Variants in RPS6KC1 observed in about 807,000 individuals in gnomAD.
RPS6KC1 encodes the protein inactive ribosomal protein S6 kinase delta-1.
RPS6KC1 carries 54 observed loss-of-function variants against 103.8 expected under a neutral mutation model. The ratio of observed to expected loss-of-function variants is 0.52; its 90% CI spans 0.42 to 0.65. The LOEUF is 0.65. Among genes scored for constraint, RPS6KC1 ranks in the 30% least tolerant of loss-of-function variants. The probability of loss-of-function intolerance (pLI) is 0.00; values close to 1 mark genes in which losing one functional copy is unlikely to be tolerated. For missense variants in RPS6KC1, 1,151 were observed against 1,253.8 expected (o/e 0.92, Z 1.24); for synonymous variants, 439 against 438.7 (o/e 1.00, Z -0.01).
chr1:213,770,878 A>T, the RPS6KC1 span, among the ~76,000 whole-genome samples: 7 of 152,240 alleles, frequency 4.6e-5, no homozygotes, highest in Non-Finnish European at 1.0e-4. Context: ...TCAACCAAGC[A>T]TATCTACTTT....
At chr1:213,108,594 C>G (rs561555194) in intron 4 of RPS6KC1, among the ~76,000 whole-genome samples, 1 of 150,386 alleles carries the variant, frequency 6.6e-6, no homozygotes, top group East Asian at 1.9e-4. Context: ...TTAGTGGCAG[C>G]TTATCCATGT....
the RPS6KC1 span, among the ~76,000 whole-genome samples, chr1:213,510,200 C>T: frequency 6.6e-6 from 1 of 152,154 alleles, no homozygotes; most frequent in Admixed American, 6.5e-5. Context: ...GTCTCCTAAG[C>T]CCCAGGCATT....
chr1:213,629,002 A>G, the RPS6KC1 span, among the ~76,000 whole-genome samples: 2 of 152,164 alleles, frequency 1.3e-5, no homozygotes, highest in Non-Finnish European at 2.9e-5. Context: ...TTTACTTCCA[A>G]CTGTGTGGTC....
At chr1:213,161,289 A>G (rs781197477) in intron 6 of RPS6KC1, among the ~76,000 whole-genome samples, 8 of 152,132 alleles carry the variant, frequency 5.3e-5, no homozygotes, top group Non-Finnish European at 1.0e-4. Flanking sequence ...ATTGTTTTCA[A>G]ATGTGATATA....
the RPS6KC1 span, among the ~76,000 whole-genome samples, chr1:213,853,421 A>T: frequency 2.4e-3 from 359 of 152,360 alleles, 1 homozygote; most frequent in African/African-American, 7.7e-3. Context: ...AATGAGGATA[A>T]TAACCTTCTC....
the RPS6KC1 span, among the ~76,000 whole-genome samples, chr1:213,535,808 C>A: frequency 1.3e-5 from 2 of 152,060 alleles, no homozygotes; most frequent in African/African-American, 4.8e-5. Flanking sequence ...CTTTTAGGCG[C>A]GAGGAGTCCC....
the RPS6KC1 span, among the ~76,000 whole-genome samples, chr1:213,285,406 C>T: frequency 4.6e-5 from 7 of 152,088 alleles, no homozygotes; most frequent in Admixed American, 3.9e-4. Context: ...ATTGCAGTTC[C>T]CACGAGTTCT....
chr1:213,686,614 T>A, the RPS6KC1 span, among the ~76,000 whole-genome samples: 3 of 152,212 alleles, frequency 2.0e-5, no homozygotes, highest in Admixed American at 2.0e-4. Flanking sequence ...CATGTTTTTA[T>A]CTGTTTAATT....
chr1:213,613,392 G>C, the RPS6KC1 span, among the ~76,000 whole-genome samples: 1 of 152,220 alleles, frequency 6.6e-6, no homozygotes. Context: ...TTGGACTAGA[G>C]TCATGTTTCC....
the RPS6KC1 span, among the ~76,000 whole-genome samples, chr1:213,346,067 T>A: frequency 1.3e-5 from 2 of 152,226 alleles, no homozygotes; most frequent in African/African-American, 4.8e-5. Flanking sequence ...GACACATTTG[T>A]CAAAACTAAG....
intron 8 of RPS6KC1, among the ~76,000 whole-genome samples, chr1:213,181,599 A>T (rs2092272261): frequency 6.6e-6 from 1 of 152,244 alleles, no homozygotes; most frequent in Admixed American, 6.5e-5. Context: ...ATGTATTTGG[A>T]ACACAGAAGC....
chr1:213,202,458 C>T (rs1039070020), intron 8 of RPS6KC1, among the ~76,000 whole-genome samples: 2 of 151,824 alleles, frequency 1.3e-5, no homozygotes, highest in South Asian at 2.1e-4. Context: ...ACTAAATATC[C>T]AGAAATTAGC....
At chr1:213,333,416 A>T in the RPS6KC1 span, among the ~76,000 whole-genome samples, 5 of 152,312 alleles carry the variant, frequency 3.3e-5, no homozygotes, top group Admixed American at 6.5e-5. Context: ...TGATTGTTTC[A>T]TGTTTAGTGG....
chr1:213,297,731 C>T, the RPS6KC1 span, among the ~76,000 whole-genome samples: 1 of 152,102 alleles, frequency 6.6e-6, no homozygotes. Context: ...CCTCCTGGGC[C>T]TCCCAAGTAG....
chr1:213,354,568 A>G, the RPS6KC1 span, among the ~76,000 whole-genome samples: 8 of 152,228 alleles, frequency 5.3e-5, no homozygotes, highest in Admixed American at 2.0e-4. Context: ...TTTATTTCTT[A>G]TAAAGGTTGA....
At chr1:213,205,549 T>G (rs1017103917) in intron 8 of RPS6KC1, among the ~76,000 whole-genome samples, 4 of 129,728 alleles carry the variant, frequency 3.1e-5, no homozygotes, top group Non-Finnish European at 3.4e-5. Flanking sequence ...TATATATAGA[T>G]ATATATATAT....
chr1:213,743,138 G>A, the RPS6KC1 span, among the ~76,000 whole-genome samples: 6 of 152,110 alleles, frequency 3.9e-5, no homozygotes, highest in African/African-American at 9.7e-5. Context: ...AATCAGCCTC[G>A]GTGTCCATCA....
At chr1:213,290,144 C>CAA in the RPS6KC1 span, among the ~76,000 whole-genome samples, 4,302 of 68,746 alleles carry the variant, frequency 0.063, 331 homozygotes, top group Middle Eastern at 0.1. Context: ...GACTCCGTCT[C>CAA]AAAAAAAAAA....
At chr1:213,439,210 G>A in the RPS6KC1 span, among the ~76,000 whole-genome samples, 3 of 152,194 alleles carry the variant, frequency 2.0e-5, no homozygotes, top group South Asian at 6.2e-4. Context: ...GATGTGAATT[G>A]GCATATGCCC....
Sources: allele counts gnomAD v4.1 joint callset (sites outside exome capture counted in the v4.1 genomes callset), GRCh38; gene constraint gnomAD v4.1.1; transcripts MANE v1.5; gene names NCBI Gene and HGNC (gene_info 2026-07-23, HGNC 2026-07-21).